MMAB: variants seen among roughly 807,000 people sequenced by gnomAD.
The protein encoded by MMAB is corrinoid adenosyltransferase MMAB.
In MMAB, 17 loss-of-function variants were observed where a neutral mutation model predicts 30.6. The ratio of observed to expected loss-of-function variants is 0.56; its 90% CI spans 0.38 to 0.83. The LOEUF is 0.83. Ranked by LOEUF, MMAB falls within the 40% of genes least tolerant of loss-of-function variation. The pLI, the probability that MMAB is intolerant of heterozygous loss-of-function variation, is 0.00. For missense variants in MMAB, 311 were observed against 331.6 expected, an observed-to-expected ratio of 0.94 and a Z score of 0.48; for synonymous variants, 134 against 138.6, an observed-to-expected ratio of 0.97 and a Z score of 0.23.
At chr12:109,570,838 C>T (rs1203579296) in intron 2 of MMAB, among the ~76,000 whole-genome samples, 1 of 139,378 alleles carries the variant, frequency 7.2e-6, no homozygotes, top group Non-Finnish European at 1.5e-5. Flanking sequence ...TGAGCCACTG[C>T]ACTCCAGCCT....
chr12:109,560,275 C>T (rs1432111346), intron 7 of MMAB, among the ~76,000 whole-genome samples: 1 of 152,192 alleles, frequency 6.6e-6, no homozygotes, highest in Non-Finnish European at 1.5e-5. Flanking sequence ...CTGCTATCAA[C>T]CATGTGGGGG....
chr12:109,563,772 GC>G (rs1193497802), intron 4 of MMAB, among the ~76,000 whole-genome samples: 3 of 152,232 alleles, frequency 2.0e-5, no homozygotes, highest in African/African-American at 4.8e-5. Flanking sequence ...GCCTGTGGCA[GC>G]CCCACCTACT....
rs1227720445 is a variant in MMAB, at chr12:109,573,399, G to A, written c.82C>T (p.Leu28=). Residue 28 remains leucine (L), a synonymous_variant, in exon 1 of 9, where the codon CTG becomes TTG. Coordinates refer to ENST00000545712, the MANE Select transcript of MMAB (RefSeq NM_052845.4). ...LRGCFGAARL[L]YPRFQSRGPQ... ...CCGCGGCTCTGGAAACGGGGATACA[G>A]GAGCCTGGCGGCGCCGAAGCACCCG... 6.2e-7 allele frequency: 1 copy of A among 1,611,584 alleles called. No homozygotes were observed. The highest frequency in any genetic ancestry group is 1.7e-5 in the Admixed American group (1 of 59,872).
In MMAB at chr12:109,556,899, G is replaced by A. The variant is rs1883998330; in HGVS notation, c.*129C>T. Reference sequence around the variant, plus strand: ...GGCAAGAGGTGTAGATCAAAGCTGAGCTGGGACAAAAGGCTGCTTTGAGCC... The same window carrying A: ...GGCAAGAGGTGTAGATCAAAGCTGAACTGGGACAAAAGGCTGCTTTGAGCC... On this transcript the variant is annotated 3_prime_UTR_variant, in exon 9 of 9. Coordinates refer to ENST00000545712, the MANE Select transcript of MMAB (RefSeq NM_052845.4). The A allele has an allele frequency of 1.5e-6, 1 of 687,636 alleles. No individual in the cohort carries two copies. The highest frequency in any genetic ancestry group is 1.8e-5 in the African/African-American group (1 of 54,138). 42.6% of individuals were successfully genotyped at this position (687,636 alleles called of 1,614,324 possible).
In MMAB at chr12:109,554,344, C is replaced by G. The variant is rs35145546; in HGVS notation, c.*2684G>C. On this transcript the variant is annotated 3_prime_UTR_variant, in exon 9 of 9. Coordinates refer to ENST00000545712, the MANE Select transcript of MMAB (RefSeq NM_052845.4). ...CTCTGACACAAGAGCCAACTGCCAG[C>G]TTGTCTCTGGAAATGACACTAAACA... The G allele has an allele frequency of 0.16, 74,596 of 453,970 alleles. 6,403 individuals are homozygous for G. Among genetic ancestry groups the G allele is most frequent in the Middle Eastern group, 0.19 (275 of 1,444 alleles). 28.1% of individuals were successfully genotyped at this position (453,970 alleles called of 1,614,324 possible).
rs117452761 is a variant in MMAB, at chr12:109,563,434, C to T, written c.349-1582G>A. Among the ~76,000 whole-genome samples the T allele has an allele frequency of 6.6e-4, 100 of 152,368 alleles. 1 individual carries two copies. In the East Asian group the frequency reaches 0.018, roughly 28 times the overall value. Reference sequence around the variant, plus strand: ...CGGCCTCATCCACAGGCCCTGCGAGCGGCTACCAGGCCAGGCGGGGCTCCC... The same window carrying T: ...CGGCCTCATCCACAGGCCCTGCGAGTGGCTACCAGGCCAGGCGGGGCTCCC... On this transcript the variant is annotated intron_variant, in intron 4 of 8. Coordinates refer to ENST00000545712, the MANE Select transcript of MMAB (RefSeq NM_052845.4).
chr12:109,557,242 A>G (rs1297692211), intron 8 of MMAB, 106 bp from the exon 9 acceptor site: 4 of 815,038 alleles, frequency 4.9e-6, no homozygotes, highest in East Asian at 5.0e-5. Context: ...TAAATGACGC[A>G]CTCTGGGCAC....
Position 109,555,558 on chromosome 12 carries a change from T to A in MMAB, c.*1470A>T, listed in dbSNP as rs1358755462. ...ATCTGCCTGCCTCGGCCTCCCAAAG[T>A]CCGTTTTCAGCTCTGTTTTGCAAAC... On this transcript the variant is annotated 3_prime_UTR_variant, in exon 9 of 9. Transcript: ENST00000545712. The A allele has an allele frequency of 2.2e-6, 1 of 448,216 alleles. No homozygotes were observed. The highest frequency in any genetic ancestry group is 4.5e-6 in the Non-Finnish European group (1 of 224,486). The allele number at this position is 448,216 out of a possible 1,614,324, so 27.8% of individuals were successfully genotyped here. A position where few individuals can be genotyped will look rare whatever the true frequency, so the allele number is the denominator to read the frequency against.
intron 7 of MMAB, 43 bp from the exon 8 acceptor site, chr12:109,559,198 TCAACAGGCTCTGA>T: frequency 6.8e-7 from 1 of 1,461,180 alleles, no homozygotes; most frequent in South Asian, 1.1e-5. Flanking sequence ...ATTATGGGGC[TCAACAGGCTCTGA>T]CCTGGGCCTA....
rs539901993 is a variant in MMAB, at chr12:109,570,693, G to T, written c.196+956C>A. Among the ~76,000 whole-genome samples the T allele has an allele frequency of 8.5e-5, 13 of 152,058 alleles. No homozygotes were observed. In the East Asian group the frequency reaches 2.3e-3, roughly 27 times the overall value. ...AAGACCAGCCTGGGCAACACAGCAAGACCTCATCTCTACAAAAAAAATTAA... is the reference window on the plus strand; with the variant it reads ...AAGACCAGCCTGGGCAACACAGCAATACCTCATCTCTACAAAAAAAATTAA... On this transcript the variant is annotated intron_variant, in intron 2 of 8. Coordinates refer to ENST00000545712, the MANE Select transcript of MMAB (RefSeq NM_052845.4).
chr12:109,562,504 C>A (rs940777592), intron 4 of MMAB, among the ~76,000 whole-genome samples: 1 of 152,180 alleles, frequency 6.6e-6, no homozygotes, highest in African/African-American at 2.4e-5. Flanking sequence ...GGAAAAGGCT[C>A]CCATGGGGGC....
In MMAB at chr12:109,561,705, G is replaced by A. The variant is rs527901089; in HGVS notation, c.421+75C>T. 83 of 1,428,504 alleles carry A rather than the reference G, an allele frequency of 5.8e-5. No individual in the cohort carries two copies. In the South Asian group the frequency reaches 9.9e-4, roughly 17 times the overall value. 88.5% of individuals were successfully genotyped at this position (1,428,504 alleles called of 1,614,324 possible). A position where few individuals can be genotyped will look rare whatever the true frequency, so the allele number is the denominator to read the frequency against. On this transcript the variant is annotated intron_variant, in intron 5 of 8. Coordinates refer to ENST00000545712, the MANE Select transcript of MMAB (RefSeq NM_052845.4). The surrounding 1 kb of genome is among the most constrained non-coding windows in gnomAD (Gnocchi z 5.3). ...CACCCGTGGGTCCCTGGGGGCCTGG[G>A]ATCCCAGATGGTGACCCTAGGAGAG...
intron 4 of MMAB, among the ~76,000 whole-genome samples, 190 bp from the exon 5 acceptor site, chr12:109,562,042 G>C (rs1884231984): frequency 6.6e-6 from 1 of 152,312 alleles, no homozygotes; most frequent in South Asian, 2.1e-4. Flanking sequence ...TTGGAGGTGG[G>C]GCCTGGTGGG....
At chr12:109,559,074 C>T (rs781687909) in intron 8 of MMAB, 22 bp downstream of exon 8, 3 of 1,601,444 alleles carry the variant, frequency 1.9e-6, no homozygotes, top group African/African-American at 2.7e-5. Flanking sequence ...CAGAGAGGAA[C>T]CCCCAGGTTC....
chr12:109,559,832 C>T (rs902181181), intron 7 of MMAB, among the ~76,000 whole-genome samples: 1 of 152,190 alleles, frequency 6.6e-6, no homozygotes, highest in African/African-American at 2.4e-5. Context: ...ACCCGGCTAG[C>T]GGCCCAGGAG....
chr12:109,563,653 C>A (rs1054170891), intron 4 of MMAB, among the ~76,000 whole-genome samples: 5 of 152,236 alleles, frequency 3.3e-5, no homozygotes, highest in Non-Finnish European at 7.3e-5. Flanking sequence ...CGACCCAACG[C>A]GTACAGCAGA....
intron 1 of MMAB, among the ~76,000 whole-genome samples, chr12:109,572,781 T>C (rs1884697728): frequency 6.6e-6 from 1 of 152,186 alleles, no homozygotes; most frequent in Non-Finnish European, 1.5e-5. Context: ...ACTTCCATAG[T>C]ATGAGGCTTC....
rs1268022688 is a variant in MMAB at position 109,558,445 on chromosome 12, G to A, written c.644+651C>T. ...TTCTAGACACCCAGGACAGCTCCTG[G>A]GGTGCAGACCTGCTCCCCCAGCTCT... On this transcript the variant is annotated intron_variant, in intron 8 of 8. Transcript: ENST00000545712. The surrounding 1 kb of genome is among the most constrained non-coding windows in gnomAD (Gnocchi z 4.3). 5.3e-5 allele frequency among the ~76,000 whole-genome samples: 8 copies of A among 152,100 alleles called. No homozygotes were observed. The highest frequency in any genetic ancestry group is 1.7e-4 in the African/African-American group (7 of 41,440).
In MMAB at chr12:109,556,897, G is replaced by A. The variant is rs1332548278; in HGVS notation, c.*131C>T. On this transcript the variant is annotated 3_prime_UTR_variant, in exon 9 of 9. Transcript: ENST00000545712. ...GTGGCAAGAGGTGTAGATCAAAGCTGAGCTGGGACAAAAGGCTGCTTTGAG... is the reference window on the plus strand; with the variant it reads ...GTGGCAAGAGGTGTAGATCAAAGCTAAGCTGGGACAAAAGGCTGCTTTGAG... 1 of 703,550 alleles carries A rather than the reference G, an allele frequency of 1.4e-6. No homozygotes were observed. Among genetic ancestry groups the A allele is most frequent in the East Asian group, 2.7e-5 (1 of 36,966 alleles). 43.6% of individuals were successfully genotyped at this position (703,550 alleles called of 1,614,324 possible). A position where few individuals can be genotyped will look rare whatever the true frequency, so the allele number is the denominator to read the frequency against.
Sources: allele counts gnomAD v4.1 joint callset (sites outside exome capture counted in the v4.1 genomes callset), GRCh38; gene constraint gnomAD v4.1.1; non-coding constraint Gnocchi (gnomAD v3.1); transcripts MANE v1.5; gene names NCBI Gene and HGNC (gene_info 2026-07-23, HGNC 2026-07-21).